The following DLGAP4 variants were observed in gnomAD, a reference collection of about 807,000 sequenced individuals.
DLGAP4 encodes the protein DLG associated protein 4.
Under a neutral mutation model 86.9 loss-of-function variants are expected in DLGAP4, and 18 were observed. The ratio of observed to expected loss-of-function variants is 0.21; its 90% confidence interval spans 0.14 to 0.31. DLGAP4 has a LOEUF of 0.31. Ranked by LOEUF, DLGAP4 falls within the 10% of genes least tolerant of loss-of-function variation. The pLI is 1.00. For missense variants in DLGAP4, 1,085 were observed against 1,362.6 expected (o/e 0.80, Z 3.21); for synonymous variants, 548 against 574.3 (o/e 0.95, Z 0.65).
intron 11 of DLGAP4, among the ~76,000 whole-genome samples, chr20:36,524,857 GTGCCAC>G (rs2037610334): frequency 6.6e-6 from 1 of 151,692 alleles, no homozygotes; most frequent in African/African-American, 2.4e-5. Flanking sequence ...AGCCGAGATC[GTGCCAC>G]TGCACTCCAG....
intron 2 of DLGAP4, among the ~76,000 whole-genome samples, chr20:36,428,769 G>C (rs1239419453): frequency 6.6e-6 from 1 of 152,254 alleles, no homozygotes; most frequent in Non-Finnish European, 1.5e-5. Context: ...GGATGTTCTA[G>C]AGGTCAGAGT....
At chr20:36,316,092 G>T (rs1210475866) in intron 1 of DLGAP4, among the ~76,000 whole-genome samples, 1 of 152,218 alleles carries the variant, frequency 6.6e-6, no homozygotes, top group Non-Finnish European at 1.5e-5. Context: ...TCACAAAGCG[G>T]AAGGTGGGCT....
intron 7 of DLGAP4, among the ~76,000 whole-genome samples, chr20:36,469,234 A>C (rs2034551074): frequency 6.6e-6 from 1 of 151,978 alleles, no homozygotes; most frequent in Non-Finnish European, 1.5e-5. Context: ...AGCTGCCTTA[A>C]AGACTTAGTT....
intron 7 of DLGAP4, among the ~76,000 whole-genome samples, chr20:36,481,725 C>G (rs896531994): frequency 6.6e-6 from 1 of 152,146 alleles, no homozygotes; most frequent in Non-Finnish European, 1.5e-5. Flanking sequence ...TGAGACTTCT[C>G]CCTGTGTGGA....
At chr20:36,471,472 T>G (rs2147664903) in intron 7 of DLGAP4, among the ~76,000 whole-genome samples, 1 of 152,158 alleles carries the variant, frequency 6.6e-6, no homozygotes, top group African/African-American at 2.4e-5. Context: ...CCAGCCTGGG[T>G]GACAGAGCAA....
At chr20:36,463,874 G>A (rs762791602) in intron 7 of DLGAP4, among the ~76,000 whole-genome samples, 1 of 152,178 alleles carries the variant, frequency 6.6e-6, no homozygotes, top group Non-Finnish European at 1.5e-5. Flanking sequence ...GAGATCAGCT[G>A]TTCAAGCGCC....
chr20:36,453,934 C>CAAA (rs1194294335), intron 7 of DLGAP4, among the ~76,000 whole-genome samples: 1,899 of 42,502 alleles, frequency 0.045, 38 homozygotes, highest in Non-Finnish European at 0.073. Context: ...ACTCTGTCTC[C>CAAA]AAAAAAAAAA....
intron 12 of DLGAP4, chr20:36,526,239 AG>A: frequency 1.6e-6 from 1 of 638,234 alleles, no homozygotes; most frequent in Non-Finnish European, 2.7e-6. Flanking sequence ...TGTCCAGAAA[AG>A]GGGATCCTGG....
chr20:36,452,164 C>T (rs139305282), intron 7 of DLGAP4, among the ~76,000 whole-genome samples: 398 of 152,208 alleles, frequency 2.6e-3, no homozygotes, highest in African/African-American at 8.5e-3. Context: ...TTCCTCTAAA[C>T]GCTCCTTGAA....
intron 2 of DLGAP4, among the ~76,000 whole-genome samples, chr20:36,401,976 A>G (rs1046248724): frequency 2.6e-5 from 4 of 152,220 alleles, no homozygotes; most frequent in South Asian, 4.1e-4. Flanking sequence ...GTGAATGACT[A>G]GGAGCGGGGT....
Position 36,437,282 on chromosome 20 carries a change from C to T in DLGAP4, c.1241+932C>T, listed in dbSNP as rs566083258. 2.0e-4 allele frequency among the ~76,000 whole-genome samples: 31 copies of T among 152,322 alleles called. No homozygotes were observed. In the East Asian group the frequency reaches 2.3e-3, roughly 11 times the overall value. Reference sequence around the variant, plus strand: ...GCCCTGACCACAGGTGAGCTGCATCCTTTGGTAAACCCCGATCATGAAAGC... The same window carrying T: ...GCCCTGACCACAGGTGAGCTGCATCTTTTGGTAAACCCCGATCATGAAAGC... On this transcript the variant is annotated intron_variant, in intron 4 of 12. Transcript: ENST00000339266.
chr20:36,356,549 T>C (rs1198860641), intron 1 of DLGAP4, among the ~76,000 whole-genome samples: 8 of 152,026 alleles, frequency 5.3e-5, no homozygotes, highest in African/African-American at 2.4e-5. Flanking sequence ...TGACCTCAAG[T>C]GATCCACTGC....
rs115839362 is a variant in DLGAP4, at chr20:36,401,731, G to C, written c.-72-29915G>C. Among the ~76,000 whole-genome samples, 301 of 152,292 alleles carry C rather than the reference G, an allele frequency of 2.0e-3. 2 individuals carry two copies. The highest frequency in any genetic ancestry group is 6.0e-3 in the African/African-American group (250 of 41,550). ...AACAATAAGCACATAAATGAAGACCGCTTTTGACAGAGACGAGTTTTACAA... is the reference window on the plus strand; with the variant it reads ...AACAATAAGCACATAAATGAAGACCCCTTTTGACAGAGACGAGTTTTACAA... On this transcript the variant is annotated intron_variant, in intron 2 of 12. Coordinates refer to ENST00000339266, the MANE Select transcript of DLGAP4 (RefSeq NM_001365621.2).
chr20:36,382,242 TAG>T (rs933780500), intron 2 of DLGAP4, among the ~76,000 whole-genome samples: 2 of 152,156 alleles, frequency 1.3e-5, no homozygotes, highest in African/African-American at 4.8e-5. Flanking sequence ...TTTTCTGAGA[TAG>T]AGTCTTGCTG....
intron 1 of DLGAP4, among the ~76,000 whole-genome samples, chr20:36,310,716 G>A (rs2065046480): frequency 6.6e-6 from 1 of 152,330 alleles, no homozygotes; most frequent in Admixed American, 6.5e-5. Flanking sequence ...TGCTGTAGTG[G>A]CTTTGAAGGA....
At position 36,306,859 on chromosome 20, in the gene DLGAP4, C is replaced by T. The variant is rs781956338; in HGVS notation, c.-304+347C>T. Among the ~76,000 whole-genome samples the T allele has an allele frequency of 2.0e-5, 3 of 152,160 alleles. No homozygotes were observed. The highest frequency in any genetic ancestry group is 4.4e-5 in the Non-Finnish European group (3 of 68,008). ...CCGCGGACTCCCCCGTACCCCATAT[C>T]AAGCGGCTGCCAAAGCCTGGAAGCC... On this transcript the variant is annotated intron_variant, in intron 1 of 12. Transcript: ENST00000339266. This position sits in a 1 kb window ranked among gnomAD's most constrained non-coding sequence, Gnocchi z 4.9.
At chr20:36,322,045 G>T (rs1466924779) in intron 1 of DLGAP4, among the ~76,000 whole-genome samples, 1 of 152,204 alleles carries the variant, frequency 6.6e-6, no homozygotes, top group Non-Finnish European at 1.5e-5. Context: ...AACTCAAAAA[G>T]CAGGTAAAAC....
At chr20:36,388,761 G>A (rs1029710908) in intron 2 of DLGAP4, among the ~76,000 whole-genome samples, 2 of 152,182 alleles carry the variant, frequency 1.3e-5, no homozygotes, top group African/African-American at 4.8e-5. Context: ...GCCTGAGCCT[G>A]GTGCAGGTGC....
chr20:36,316,207 G>A (rs1436287067), intron 1 of DLGAP4, among the ~76,000 whole-genome samples: 3 of 152,120 alleles, frequency 2.0e-5, no homozygotes, highest in Non-Finnish European at 4.4e-5. Context: ...CTGCTGGTGC[G>A]TCCTCCACGC....
Sources: gnomAD v4.1 joint callset for allele counts (sites outside exome capture counted in the v4.1 genomes callset) on GRCh38, gnomAD v4.1.1 for gene constraint, Gnocchi (gnomAD v3.1) non-coding constraint, MANE v1.5 for transcripts, NCBI Gene and HGNC (gene_info 2026-07-23, HGNC 2026-07-21) for gene names.